The following ARHGAP32 variants were observed in gnomAD, a reference collection of about 807,000 sequenced individuals.
ARHGAP32 encodes Rho GTPase activating protein 32.
Under a neutral mutation model 186.5 loss-of-function variants are expected in ARHGAP32, and 51 were observed. The observed-to-expected ratio is 0.27, with a 90% CI of 0.22 to 0.35. The LOEUF (loss-of-function observed/expected upper bound fraction) is 0.35, where lower values mean the gene tolerates loss of function less well. Among genes scored for constraint, ARHGAP32 ranks in the 10% least tolerant of loss-of-function variants. The pLI is 1.00. For missense variants in ARHGAP32, 2,186 were observed against 2,623.5 expected, an observed-to-expected ratio of 0.83 and a Z score of 3.64; for synonymous variants, 950 against 964.3, an observed-to-expected ratio of 0.99 and a Z score of 0.27.
At chr11:129,200,782 A>G (rs1181248643) in intron 1 of ARHGAP32, among the ~76,000 whole-genome samples, 2 of 152,226 alleles carry the variant, frequency 1.3e-5, no homozygotes, top group African/African-American at 2.4e-5. Flanking sequence ...TATACAGTAC[A>G]AAGTCCTCAA....
At position 129,250,685 on chromosome 11, in the gene ARHGAP32, T is replaced by C. The variant is rs1415072161; in HGVS notation, c.-5+28461A>G. ...TTGGCTCTAATGAAAATTCTCACTT[T>C]CTATCCTGTAGCAGAATTATTTCTG... On this transcript the variant is annotated intron_variant, in intron 1 of 6. Transcript: ENST00000525234. Among the ~76,000 whole-genome samples the C allele has an allele frequency of 2.6e-5, 4 of 152,332 alleles. No individual in the cohort carries two copies. In the South Asian group the frequency reaches 8.3e-4, roughly 32 times the overall value.
intron 1 of ARHGAP32, among the ~76,000 whole-genome samples, chr11:129,265,596 GACC>G (rs770560850): frequency 3.3e-5 from 5 of 152,098 alleles, no homozygotes; most frequent in Non-Finnish European, 7.4e-5. Context: ...CTGATCAAGT[GACC>G]ACAATTTCTG....
chr11:128,965,905 A>C lies in ARHGAP32; in HGVS notation c.*3002T>G, dbSNP rs1591477206. 1 of 152,198 alleles carries C rather than the reference A, an allele frequency of 6.6e-6. No individual in the cohort carries two copies. The highest frequency in any genetic ancestry group is 1.5e-5 in the Non-Finnish European group (1 of 68,030). The allele number at this position is 152,198 out of a possible 1,614,324, so 9.4% of individuals were successfully genotyped here. On this transcript the variant is annotated 3_prime_UTR_variant, in exon 23 of 23. Transcript: ENST00000682385. ...GTTAACAGTCCCTCCTCTCTACAGA[A>C]TTAGTCCTAGAATTTTTCAACCTGA...
intron 5 of ARHGAP32, among the ~76,000 whole-genome samples, chr11:129,121,421 T>C (rs1412903684): frequency 1.3e-5 from 2 of 152,046 alleles, no homozygotes; most frequent in Non-Finnish European, 2.9e-5. Context: ...ATGTGATATG[T>C]AGAGGCCAGT....
chr11:129,086,580 G>A (rs1012915060), intron 6 of ARHGAP32, among the ~76,000 whole-genome samples: 4 of 152,106 alleles, frequency 2.6e-5, no homozygotes, highest in African/African-American at 9.7e-5. Flanking sequence ...CCAGCACTTT[G>A]GGAGGCCAAG....
At chr11:128,994,087 C>A (rs532182214) in intron 12 of ARHGAP32, among the ~76,000 whole-genome samples, 26 of 152,166 alleles carry the variant, frequency 1.7e-4, no homozygotes, top group Admixed American at 1.4e-3. Flanking sequence ...CTAAGTACAA[C>A]TAAAATTGAA....
At chr11:129,043,474 C>T (rs763881095) in intron 10 of ARHGAP32, among the ~76,000 whole-genome samples, 1 of 150,870 alleles carries the variant, frequency 6.6e-6, no homozygotes, top group Admixed American at 6.6e-5. Flanking sequence ...GTAACCTCCG[C>T]CTCCCAGGTT....
At chr11:129,245,884 G>A (rs929868568) in intron 1 of ARHGAP32, among the ~76,000 whole-genome samples, 2 of 151,982 alleles carry the variant, frequency 1.3e-5, no homozygotes, top group African/African-American at 4.8e-5. Context: ...AATATCTTAA[G>A]AGCTACTATG....
intron 11 of ARHGAP32, among the ~76,000 whole-genome samples, chr11:129,009,320 G>A (rs902999397): frequency 6.6e-6 from 1 of 151,978 alleles, no homozygotes; most frequent in Non-Finnish European, 1.5e-5. Context: ...CTAGTATGCT[G>A]GAAAACAATT....
chr11:129,246,540 A>T (rs183360797), intron 1 of ARHGAP32, among the ~76,000 whole-genome samples: 1 of 152,330 alleles, frequency 6.6e-6, no homozygotes, highest in Non-Finnish European at 1.5e-5. Flanking sequence ...CAATAAAATG[A>T]ACCAAAAAGG....
At chr11:129,148,875 C>T (rs1180499115) in intron 2 of ARHGAP32, among the ~76,000 whole-genome samples, 2 of 152,150 alleles carry the variant, frequency 1.3e-5, no homozygotes, top group African/African-American at 4.8e-5. Context: ...CAACCAAAAG[C>T]CCCTCTGGAA....
intron 10 of ARHGAP32, among the ~76,000 whole-genome samples, chr11:129,054,206 T>C (rs1211020101): frequency 6.6e-6 from 1 of 152,142 alleles, no homozygotes; most frequent in Admixed American, 6.5e-5. Context: ...ATGGGGTATA[T>C]AAAATTCTGT....
chr11:129,208,410 T>C (rs945480213), intron 1 of ARHGAP32, among the ~76,000 whole-genome samples: 1 of 152,162 alleles, frequency 6.6e-6, no homozygotes, highest in Non-Finnish European at 1.5e-5. Flanking sequence ...CCAAGTAATG[T>C]AGTTTTGTCA....
In ARHGAP32 at chr11:128,980,723, G is replaced by A. The variant is rs772529935; in HGVS notation, c.1806C>T (p.Leu602=). 2 of 1,613,226 alleles carry A rather than the reference G, an allele frequency of 1.2e-6. No homozygotes were observed. Among genetic ancestry groups the A allele is most frequent in the African/African-American group, 1.3e-5 (1 of 75,010 alleles). ...GAASLSRPKS[L]LVSSPSTKLL... The stretch of plus-strand genomic sequence containing the variant: ...GTTTGGTGGATGGAGAGGATACCAG[G>A]AGGGACTTGGGCCTTGATAGAGAAG... Residue 602 remains leucine (L), a synonymous_variant, in exon 18 of 23, where the codon CTC becomes CTT. Transcript: ENST00000682385.
chr11:129,173,768 A>G (rs1943827167), intron 1 of ARHGAP32, among the ~76,000 whole-genome samples: 1 of 152,250 alleles, frequency 6.6e-6, no homozygotes, highest in African/African-American at 2.4e-5. Flanking sequence ...ATTATTGAAA[A>G]ACACAAATAC....
At chr11:129,111,761 T>C (rs957017795) in intron 5 of ARHGAP32, among the ~76,000 whole-genome samples, 1 of 151,976 alleles carries the variant, frequency 6.6e-6, no homozygotes, top group African/African-American at 2.4e-5. Flanking sequence ...TTTTATTTTT[T>C]CCCCCTTTCT....
At chr11:129,180,978 G>C (rs1010331651) in intron 1 of ARHGAP32, among the ~76,000 whole-genome samples, 2 of 151,904 alleles carry the variant, frequency 1.3e-5, no homozygotes, top group African/African-American at 4.8e-5. Flanking sequence ...AATTACACTT[G>C]ACAATGTTGA....
chr11:129,109,715 T>C (rs548132), intron 5 of ARHGAP32, among the ~76,000 whole-genome samples: 74,855 of 151,920 alleles, frequency 0.49, 18,668 homozygotes, highest in South Asian at 0.61. Context: ...TGGCCATTTG[T>C]ATATCTTCTT....
chr11:129,064,822 A>G lies in ARHGAP32; in HGVS notation c.762+19T>C. ...TAATTTAAATATACATTTTTCATGA[A>G]AAGTGAATTAGGAAATACCTCCATC... On this transcript the variant is annotated intron_variant, in intron 8 of 22. Transcript: ENST00000682385. 6.5e-7 allele frequency: 1 copy of G among 1,545,592 alleles called. No individual in the cohort carries two copies. The highest frequency in any genetic ancestry group is 8.8e-7 in the Non-Finnish European group (1 of 1,140,260).
Sources: allele counts gnomAD v4.1 joint callset (sites outside exome capture counted in the v4.1 genomes callset), GRCh38; gene constraint gnomAD v4.1.1; transcripts MANE v1.5; gene names NCBI Gene and HGNC (gene_info 2026-07-23, HGNC 2026-07-21).